Variants in CNKSR3 observed in about 807,000 individuals in gnomAD.
CNKSR3 encodes CNKSR family member 3.
Under a neutral mutation model 67.7 loss-of-function variants are expected in CNKSR3, and 36 were observed. That is an observed-to-expected ratio of 0.53 (90% CI 0.41 to 0.70). The LOEUF is 0.70. Among genes scored for constraint, CNKSR3 ranks in the 30% least tolerant of loss-of-function variants. The probability of loss-of-function intolerance (pLI) is 0.00; values close to 1 mark genes in which losing one functional copy is unlikely to be tolerated. For synonymous variants in CNKSR3, 281 were observed against 271.4 expected, an observed-to-expected ratio of 1.04 and a Z score of -0.35; for missense variants, 630 against 695.2, an observed-to-expected ratio of 0.91 and a Z score of 1.05.
intron 1 of CNKSR3, among the ~76,000 whole-genome samples, chr6:154,456,006 A>C (rs901101356): frequency 2.0e-5 from 3 of 152,144 alleles, no homozygotes; most frequent in Non-Finnish European, 4.4e-5. Flanking sequence ...GCAAAAAAAA[A>C]CAAACAAAAA....
intron 2 of CNKSR3, 106 bp downstream of exon 2, chr6:154,449,989 A>G (rs1018237523): frequency 1.9e-6 from 2 of 1,051,394 alleles, no homozygotes; most frequent in African/African-American, 3.2e-5. Flanking sequence ...ATTTTGATGG[A>G]GCATTAAGGA....
At chr6:154,506,233 T>TA (rs1179076968) in intron 1 of CNKSR3, among the ~76,000 whole-genome samples, 41 of 124,814 alleles carry the variant, frequency 3.3e-4, no homozygotes, top group Non-Finnish European at 1.4e-4. Flanking sequence ...GTACCAAACT[T>TA]AAAAAAAAAG....
At chr6:154,492,551 G>T (rs1213613378) in intron 1 of CNKSR3, among the ~76,000 whole-genome samples, 1 of 152,016 alleles carries the variant, frequency 6.6e-6, no homozygotes, top group Non-Finnish European at 1.5e-5. Context: ...TTTGGGACCA[G>T]CCTGGCCAAC....
At chr6:154,480,242 T>C (rs914281916) in intron 1 of CNKSR3, among the ~76,000 whole-genome samples, 3 of 152,234 alleles carry the variant, frequency 2.0e-5, no homozygotes, top group Admixed American at 1.3e-4. Flanking sequence ...CACTCTCTCC[T>C]GCTGTTTCAT....
In CNKSR3 at chr6:154,493,447, G is replaced by A. The variant is rs77375129; in HGVS notation, c.52+16616C>T. Among the ~76,000 whole-genome samples, 64 of 152,256 alleles carry A rather than the reference G, an allele frequency of 4.2e-4. No individual in the cohort carries two copies. In the East Asian group the frequency reaches 0.012, roughly 28 times the overall value. On this transcript the variant is annotated intron_variant, in intron 1 of 12. Transcript: ENST00000607772. Reference sequence around the variant, plus strand: ...TCCTCAGCTCTCAGAACAGTGCATGGCACACAGAAGGCACTCAATAGATGT... The same window carrying A: ...TCCTCAGCTCTCAGAACAGTGCATGACACACAGAAGGCACTCAATAGATGT...
Position 154,414,430 on chromosome 6 carries a change from C to A in CNKSR3, c.946-7G>T. ...TCGCGGGTGGAGGTGAGGTCTGAAA[C>A]AGGAGTAACACAGCAATGCAAAGAG... On this transcript the variant is annotated splice_region_variant and splice_polypyrimidine_tract_variant and intron_variant, in intron 9 of 12. Coordinates refer to ENST00000607772, the MANE Select transcript of CNKSR3 (RefSeq NM_173515.4). 1 of 1,579,724 alleles carries A rather than the reference C, an allele frequency of 6.3e-7. No homozygotes were observed. The highest frequency in any genetic ancestry group is 1.2e-5 in the South Asian group (1 of 83,892).
At position 154,414,821 on chromosome 6, in the gene CNKSR3, G is replaced by C. The variant is rs901115408; in HGVS notation, c.946-398C>G. The C allele has an allele frequency of 1.2e-4, 59 of 475,726 alleles. 1 individual carries two copies. The highest frequency in any genetic ancestry group is 3.5e-5 in the Non-Finnish European group (8 of 229,808). 29.5% of individuals were successfully genotyped at this position (475,726 alleles called of 1,614,324 possible). ...GAAAATTACTAGCAAGGCTGGGCAC[G>C]GCGGTTCTTGCCTGTTACCCCAGCA... On this transcript the variant is annotated intron_variant, in intron 9 of 12. Coordinates refer to ENST00000607772, the MANE Select transcript of CNKSR3 (RefSeq NM_173515.4).
intron 4 of CNKSR3, among the ~76,000 whole-genome samples, chr6:154,437,394 G>C (rs4869824): frequency 0.49 from 71,151 of 146,014 alleles, 18,271 homozygotes; most frequent in East Asian, 0.86. Context: ...TCACCATTTG[G>C]CAAAGCACCT....
chr6:154,503,846 T>A (rs1387267572), intron 1 of CNKSR3, among the ~76,000 whole-genome samples: 1 of 152,158 alleles, frequency 6.6e-6, no homozygotes, highest in Non-Finnish European at 1.5e-5. Flanking sequence ...CATTCCAGAA[T>A]GTAAATAAAA....
chr6:154,451,795 A>G (rs550429226), intron 1 of CNKSR3, among the ~76,000 whole-genome samples: 44 of 152,324 alleles, frequency 2.9e-4, no homozygotes, highest in Non-Finnish European at 4.1e-4. Flanking sequence ...GGAAGTAATA[A>G]AAAAAACTAT....
At chr6:154,503,249 GA>G (rs1387672360) in intron 1 of CNKSR3, among the ~76,000 whole-genome samples, 1 of 152,116 alleles carries the variant, frequency 6.6e-6, no homozygotes, top group African/African-American at 2.4e-5. Context: ...AGGATCCTGA[GA>G]ACAAACTTCA....
At chr6:154,498,250 C>T (rs1175611108) in intron 1 of CNKSR3, among the ~76,000 whole-genome samples, 1 of 152,108 alleles carries the variant, frequency 6.6e-6, no homozygotes. Flanking sequence ...ATTTTATTCA[C>T]ATCTTACAGG....
At chr6:154,461,994 G>A (rs551057253) in intron 1 of CNKSR3, among the ~76,000 whole-genome samples, 2 of 152,370 alleles carry the variant, frequency 1.3e-5, no homozygotes, top group Non-Finnish European at 2.9e-5. Flanking sequence ...GGCCGAAACG[G>A]CTGGGGACAG....
intron 4 of CNKSR3, chr6:154,434,112 A>T (rs1584078951): frequency 6.6e-6 from 1 of 152,394 alleles, no homozygotes; most frequent in Non-Finnish European, 1.5e-5. Context: ...ATGACATGAA[A>T]TAAAGGGCTG....
At chr6:154,507,742 C>A (rs886801373) in intron 1 of CNKSR3, among the ~76,000 whole-genome samples, 1 of 152,148 alleles carries the variant, frequency 6.6e-6, no homozygotes, top group Non-Finnish European at 1.5e-5. Flanking sequence ...AGGTATGTAA[C>A]CTAGTAAGTA....
chr6:154,449,384 G>A (rs1434855169), intron 2 of CNKSR3, among the ~76,000 whole-genome samples: 1 of 152,136 alleles, frequency 6.6e-6, no homozygotes, highest in Non-Finnish European at 1.5e-5. Flanking sequence ...GTGCAGTGGT[G>A]CGATCTCTGC....
chr6:154,417,245 T>C (rs968995135), intron 9 of CNKSR3, among the ~76,000 whole-genome samples: 10 of 152,112 alleles, frequency 6.6e-5, no homozygotes, highest in Non-Finnish European at 8.8e-5. Context: ...CATTTTCGAA[T>C]AGTCAACACT....
chr6:154,411,679 T>A (rs367802052), intron 10 of CNKSR3, among the ~76,000 whole-genome samples: 7 of 151,216 alleles, frequency 4.6e-5, no homozygotes, highest in South Asian at 4.2e-4. Flanking sequence ...GGGTTTTTTT[T>A]AATATCCAAA....
chr6:154,397,275 T>G lies in CNKSR3; in HGVS notation c.*9079A>C, dbSNP rs1784671122. ...AGAAATCTGCAGAAGGGTAGCACTTTCTAGTAAAACATAGTACTCTAAACA... is the reference window on the plus strand; with the variant it reads ...AGAAATCTGCAGAAGGGTAGCACTTGCTAGTAAAACATAGTACTCTAAACA... On this transcript the variant is annotated 3_prime_UTR_variant, in exon 13 of 13. Coordinates refer to ENST00000607772, the MANE Select transcript of CNKSR3 (RefSeq NM_173515.4). 1.3e-5 allele frequency: 2 copies of G among 152,232 alleles called. No homozygotes were observed. Among genetic ancestry groups the G allele is most frequent in the South Asian group, 4.1e-4 (2 of 4,838 alleles). The allele number at this position is 152,232 out of a possible 1,614,324, so 9.4% of individuals were successfully genotyped here.
Sources: allele counts gnomAD v4.1 joint callset (sites outside exome capture counted in the v4.1 genomes callset), GRCh38; gene constraint gnomAD v4.1.1; transcripts MANE v1.5; gene names NCBI Gene and HGNC (gene_info 2026-07-23, HGNC 2026-07-21).